TSPAN32: variants seen among roughly 807,000 people sequenced by gnomAD.
The protein encoded by TSPAN32 is tetraspanin-32.
Under a neutral mutation model 42.7 loss-of-function variants are expected in TSPAN32, and 47 were observed. The observed-to-expected ratio is 1.10, with a 90% CI of 0.87 to 1.40. The LOEUF (loss-of-function observed/expected upper bound fraction) is 1.40, where lower values mean the gene tolerates loss of function less well. Among genes scored for constraint, TSPAN32 ranks in the 40% most tolerant of loss-of-function variants. The probability of loss-of-function intolerance (pLI) is 0.00; values close to 1 mark genes in which losing one functional copy is unlikely to be tolerated. For missense variants in TSPAN32, 469 were observed against 424.1 expected, an observed-to-expected ratio of 1.11 and a Z score of -0.93; for synonymous variants, 175 against 175.9, an observed-to-expected ratio of 0.99 and a Z score of 0.04.
chr11:2,302,269 G>T, intron 1 of TSPAN32, 54 bp downstream of exon 1: 1 of 1,345,292 alleles, frequency 7.4e-7, no homozygotes, highest in South Asian at 2.2e-5. Context: ...GCAGGGGTGA[G>T]GGGTGGCAGG....
chr11:2,315,146 G>C, intron 6 of TSPAN32: 1 of 760,960 alleles, frequency 1.3e-6, no homozygotes, highest in Non-Finnish European at 1.7e-6. Flanking sequence ...CTTTCTCCTG[G>C]TGCCCGGCAG....
intron 4 of TSPAN32, 136 bp downstream of exon 4, chr11:2,308,946 C>G: frequency 1.5e-6 from 1 of 653,272 alleles, no homozygotes; most frequent in Non-Finnish European, 2.6e-6. Flanking sequence ...TGGGGGAGAC[C>G]GCAGCCTGGG....
At chr11:2,316,184 G>A in intron 6 of TSPAN32, 45 bp from the exon 7 acceptor site, 1 of 1,515,442 alleles carries the variant, frequency 6.6e-7, no homozygotes, top group Non-Finnish European at 8.9e-7. Flanking sequence ...GTCCAGGCAG[G>A]GAGGGCCGCT....
Position 2,317,783 on chromosome 11 carries a change from A to C in TSPAN32, c.902-80A>C. 1.3e-6 allele frequency: 2 copies of C among 1,578,124 alleles called. No individual in the cohort carries two copies. The highest frequency in any genetic ancestry group is 1.1e-5 in the South Asian group (1 of 87,060). The stretch of plus-strand genomic sequence containing the variant: ...GCCTGGAGGGCTCCACCCAGACACA[A>C]GCTGCACTGGTTTTCTATGCTGCGT... On this transcript the variant is annotated intron_variant, in intron 9 of 9. Transcript: ENST00000182290. The surrounding 1 kb of genome is among the most constrained non-coding windows in gnomAD (Gnocchi z 6.2).
In TSPAN32 at chr11:2,313,768, A is replaced by G. The variant is rs1325642038; in HGVS notation, c.456+13A>G. 4 of 1,576,168 alleles carry G rather than the reference A, an allele frequency of 2.5e-6. No homozygotes were observed. In the African/African-American group the frequency reaches 4.0e-5, roughly 16 times the overall value. ...CATCCAGGACGTGGTGAGCGTGGGG[A>G]CGGCTGGGTGGCAGGGCGGTCAGCT... On this transcript the variant is annotated intron_variant, in intron 5 of 9. Coordinates refer to ENST00000182290, the MANE Select transcript of TSPAN32 (RefSeq NM_139022.3). The surrounding 1 kb of genome is among the most constrained non-coding windows in gnomAD (Gnocchi z 9.1).
Position 2,313,853 on chromosome 11 carries a change from G to A in TSPAN32, c.456+98G>A. On this transcript the variant is annotated intron_variant, in intron 5 of 9. Transcript: ENST00000182290. The surrounding 1 kb of genome is among the most constrained non-coding windows in gnomAD (Gnocchi z 9.1). Reference sequence around the variant, plus strand: ...GGTGGCCAGTGAGAGGTCTGGCCAGGCACCGAGGGGGTTCCAGGACACAGG... The same window carrying A: ...GGTGGCCAGTGAGAGGTCTGGCCAGACACCGAGGGGGTTCCAGGACACAGG... 1 of 976,434 alleles carries A rather than the reference G, an allele frequency of 1.0e-6. No individual in the cohort carries two copies. Among genetic ancestry groups the A allele is most frequent in the South Asian group, 1.5e-5 (1 of 66,172 alleles). The allele number at this position is 976,434 out of a possible 1,614,324, so 60.5% of individuals were successfully genotyped here. A position where few individuals can be genotyped will look rare whatever the true frequency, so the allele number is the denominator to read the frequency against.
At chr11:2,316,548 G>C (rs759571748) in intron 7 of TSPAN32, 28 bp from the exon 8 acceptor site, 4 of 1,603,864 alleles carry the variant, frequency 2.5e-6, no homozygotes, top group Non-Finnish European at 2.6e-6. Context: ...CTGGGGCAGT[G>C]GGGCAGCCGC....
intron 4 of TSPAN32, among the ~76,000 whole-genome samples, chr11:2,310,265 A>C (rs1055118099): frequency 2.6e-5 from 4 of 152,092 alleles, no homozygotes; most frequent in Non-Finnish European, 2.9e-5. Context: ...TGGAGCCACA[A>C]TTCTGGAGGG....
At chr11:2,306,345 A>G (rs1848087529) in intron 3 of TSPAN32, among the ~76,000 whole-genome samples, 1 of 152,116 alleles carries the variant, frequency 6.6e-6, no homozygotes, top group South Asian at 2.1e-4. Flanking sequence ...GAGAGAGCAG[A>G]GCTGGCAGCG....
chr11:2,315,168 C>A (rs2038961977), intron 6 of TSPAN32: 4 of 618,614 alleles, frequency 6.5e-6, no homozygotes, highest in African/African-American at 2.1e-5. Flanking sequence ...CCTCCCCCAG[C>A]CCACCCTGCC....
In TSPAN32 at chr11:2,304,752, C is replaced by A. The variant is rs1445995618; in HGVS notation, c.279+548C>A. Among the ~76,000 whole-genome samples the A allele has an allele frequency of 6.6e-6, 1 of 152,006 alleles. No homozygotes were observed. The highest frequency in any genetic ancestry group is 6.6e-5 in the Admixed American group (1 of 15,266). On this transcript the variant is annotated intron_variant, in intron 3 of 9. Coordinates refer to ENST00000182290, the MANE Select transcript of TSPAN32 (RefSeq NM_139022.3). The surrounding 1 kb of genome is among the most constrained non-coding windows in gnomAD (Gnocchi z 4.8). ...AGGTCCCATAGGCCCCTCCACCCCA[C>A]CCCATAGCAGTGGCCTCTTGTCACC...
intron 3 of TSPAN32, among the ~76,000 whole-genome samples, chr11:2,305,786 T>C (rs908969993): frequency 6.6e-6 from 1 of 151,974 alleles, no homozygotes; most frequent in South Asian, 2.1e-4. Flanking sequence ...TGGGCTGGGG[T>C]CCTGAGGACA....
At chr11:2,312,566 G>T (rs1258466561) in intron 4 of TSPAN32, among the ~76,000 whole-genome samples, 2 of 152,214 alleles carry the variant, frequency 1.3e-5, no homozygotes, top group African/African-American at 4.8e-5. Context: ...ACTCCTGTTG[G>T]GGCCTCCAGG....
rs771679154 is a variant in TSPAN32 at position 2,316,232 on chromosome 11, T to G, written c.547T>G (p.Cys183Gly). 2 of 1,581,236 alleles carry G rather than the reference T, an allele frequency of 1.3e-6. No homozygotes were observed. Among genetic ancestry groups the G allele is most frequent in the Non-Finnish European group, 1.7e-6 (2 of 1,165,324 alleles). Residue 183 changes from cysteine (C) to glycine (G), a missense_variant, in exon 7 of 10, where the codon TGC becomes GGC. Coordinates refer to ENST00000182290, the MANE Select transcript of TSPAN32 (RefSeq NM_139022.3). ...CATGCCTGCTGCCCTCTCACAGGAC[T>G]GCCTTCAGGGCATCCGGAGCTTCCT... ...CQGEEAAREDCLQGIRSFLRT... is the reference protein window; with the variant it reads ...CQGEEAAREDGLQGIRSFLRT...
At chr11:2,315,730 TCTGGGTGCCATGCC>T in intron 6 of TSPAN32, 5 of 1,221,032 alleles carry the variant, frequency 4.1e-6, no homozygotes, top group Non-Finnish European at 5.2e-6. Context: ...AAAAGATGCC[TCTGGGTGCCATGCC>T]CTGGGGTGGC....
intron 3 of TSPAN32, among the ~76,000 whole-genome samples, chr11:2,307,387 A>G (rs1848180641): frequency 6.6e-6 from 1 of 152,160 alleles, no homozygotes; most frequent in Admixed American, 6.5e-5. Context: ...CAGCCTGTGG[A>G]CCACCCAGGC....
rs1847990187 is a variant in TSPAN32 at position 2,304,927 on chromosome 11, C to A, written c.279+723C>A. Among the ~76,000 whole-genome samples, 1 of 152,178 alleles carries A rather than the reference C, an allele frequency of 6.6e-6. No individual in the cohort carries two copies. Among genetic ancestry groups the A allele is most frequent in the African/African-American group, 2.4e-5 (1 of 41,448 alleles). On this transcript the variant is annotated intron_variant, in intron 3 of 9. Coordinates refer to ENST00000182290, the MANE Select transcript of TSPAN32 (RefSeq NM_139022.3). This position sits in a 1 kb window ranked among gnomAD's most constrained non-coding sequence, Gnocchi z 4.8. The stretch of plus-strand genomic sequence containing the variant: ...TCTCACCCCAGCTGGGGCAGCTCCT[C>A]CCTGGCGCCCCGGGCTCCCACCTGT...
intron 7 of TSPAN32, 49 bp from the exon 8 acceptor site, chr11:2,316,527 G>A (rs749709275): frequency 1.9e-6 from 3 of 1,609,520 alleles, no homozygotes; most frequent in Non-Finnish European, 8.5e-7. Flanking sequence ...CTGGGGAGGG[G>A]CGCCCGCACC....
chr11:2,318,014 C>A lies in TSPAN32; in HGVS notation c.*90C>A. On this transcript the variant is annotated 3_prime_UTR_variant, in exon 10 of 10. Coordinates refer to ENST00000182290, the MANE Select transcript of TSPAN32 (RefSeq NM_139022.3). This position sits in a 1 kb window ranked among gnomAD's most constrained non-coding sequence, Gnocchi z 4.2. ...ATTCAGGCTGTTGACAAGTCAACTC[C>A]TCATGGCTGTAGGACTGAGGTTCCC... 1.5e-6 allele frequency: 1 copy of A among 684,286 alleles called. No homozygotes were observed. The highest frequency in any genetic ancestry group is 2.6e-5 in the East Asian group (1 of 38,174). The allele number at this position is 684,286 out of a possible 1,614,324, so 42.4% of individuals were successfully genotyped here.
Sources: gnomAD v4.1 joint callset for allele counts (sites outside exome capture counted in the v4.1 genomes callset) on GRCh38, gnomAD v4.1.1 for gene constraint, Gnocchi (gnomAD v3.1) non-coding constraint, MANE v1.5 for transcripts, NCBI Gene and HGNC (gene_info 2026-07-23, HGNC 2026-07-21) for gene names.